CCDC192: variants seen among roughly 807,000 people sequenced by gnomAD.
CCDC192 encodes coiled-coil domain-containing protein 192.
chr5:127,863,503 C>T (rs1022833876), intron 5 of CCDC192, among the ~76,000 whole-genome samples: 1 of 152,120 alleles, frequency 6.6e-6, no homozygotes, highest in African/African-American at 2.4e-5. Context: ...CTAGAAGAGT[C>T]AAATACACAG....
At chr5:127,903,129 A>G (rs1333349000) in intron 6 of CCDC192, among the ~76,000 whole-genome samples, 1 of 152,116 alleles carries the variant, frequency 6.6e-6, no homozygotes, top group Non-Finnish European at 1.5e-5. Context: ...GTAAAGAGGC[A>G]GACACCAGCA....
chr5:127,814,304 G>T (rs1580700759), intron 5 of CCDC192, among the ~76,000 whole-genome samples: 1 of 152,310 alleles, frequency 6.6e-6, no homozygotes, highest in East Asian at 1.9e-4. Flanking sequence ...ACAGCTAAAT[G>T]TTTGCATTAA....
chr5:127,829,684 T>C (rs893788996), intron 5 of CCDC192, among the ~76,000 whole-genome samples: 12 of 152,214 alleles, frequency 7.9e-5, no homozygotes, highest in Admixed American at 1.3e-4. Flanking sequence ...TGGGCTTTTA[T>C]TGGTCTATTT....
chr5:127,884,265 C>T (rs921091161), intron 6 of CCDC192, among the ~76,000 whole-genome samples: 1 of 147,894 alleles, frequency 6.8e-6, no homozygotes, highest in Non-Finnish European at 1.5e-5. Context: ...ATGGCGTGAA[C>T]CCGGGAGGCG....
chr5:127,903,166 A>G (rs925697908), intron 6 of CCDC192, among the ~76,000 whole-genome samples: 5 of 152,200 alleles, frequency 3.3e-5, no homozygotes, highest in Admixed American at 3.3e-4. Context: ...GTACATGGTT[A>G]GTAATCCCAG....
chr5:127,934,645 A>G (rs2011576), intron 6 of CCDC192, among the ~76,000 whole-genome samples: 109,367 of 152,108 alleles, frequency 0.72, 41,622 homozygotes, highest in East Asian at 0.96. Context: ...AAATATTTGT[A>G]CTACAATACA....
At chr5:127,849,666 G>C (rs899342254) in intron 5 of CCDC192, among the ~76,000 whole-genome samples, 1 of 152,210 alleles carries the variant, frequency 6.6e-6, no homozygotes, top group East Asian at 1.9e-4. Flanking sequence ...ACTTGACTTA[G>C]GTTAGAGATT....
chr5:127,907,290 G>C (rs539908404), intron 6 of CCDC192, among the ~76,000 whole-genome samples: 3 of 151,844 alleles, frequency 2.0e-5, no homozygotes, highest in African/African-American at 7.2e-5. Flanking sequence ...ATTTATATAG[G>C]GGTATTTTTT....
At chr5:127,761,636 A>T (rs1754934936) in intron 3 of CCDC192, among the ~76,000 whole-genome samples, 1 of 152,192 alleles carries the variant, frequency 6.6e-6, no homozygotes, top group Non-Finnish European at 1.5e-5. Context: ...TCTAGGTTAG[A>T]TCAAGGTTCT....
chr5:127,747,542 T>C (rs1013092854), intron 2 of CCDC192, among the ~76,000 whole-genome samples: 3 of 152,066 alleles, frequency 2.0e-5, no homozygotes, highest in Non-Finnish European at 4.4e-5. Context: ...GTCTTTGCTA[T>C]TGTGAATAAT....
At chr5:127,762,328 A>G (rs1754976553) in intron 3 of CCDC192, among the ~76,000 whole-genome samples, 1 of 152,250 alleles carries the variant, frequency 6.6e-6, no homozygotes, top group Non-Finnish European at 1.5e-5. Flanking sequence ...GAACTTCATT[A>G]AACAATTTGG....
At chr5:127,754,179 T>A in intron 2 of CCDC192, 89 bp from the exon 3 acceptor site, 1 of 394,894 alleles carries the variant, frequency 2.5e-6, no homozygotes, top group East Asian at 3.6e-5. Context: ...GATAAACTCT[T>A]ATGGATCTTA....
intron 5 of CCDC192, among the ~76,000 whole-genome samples, chr5:127,874,604 A>G (rs1751991799): frequency 6.6e-6 from 1 of 152,194 alleles, no homozygotes; most frequent in Non-Finnish European, 1.5e-5. Context: ...TTACCTAGTG[A>G]GCAAAAACCA....
intron 2 of CCDC192, among the ~76,000 whole-genome samples, chr5:127,726,011 G>A (rs1752301902): frequency 6.6e-6 from 1 of 151,026 alleles, no homozygotes; most frequent in African/African-American, 2.4e-5. Context: ...GAAAATAATT[G>A]ATGAATAAGA....
chr5:127,804,954 T>G (rs1418104274), intron 5 of CCDC192, among the ~76,000 whole-genome samples: 1 of 152,166 alleles, frequency 6.6e-6, no homozygotes, highest in Non-Finnish European at 1.5e-5. Context: ...CTCATGCTCC[T>G]TGTGCTGGGA....
At chr5:127,754,664 G>GT (rs1754474415) in intron 3 of CCDC192, among the ~76,000 whole-genome samples, 1 of 152,062 alleles carries the variant, frequency 6.6e-6, no homozygotes, top group Admixed American at 6.5e-5. Flanking sequence ...CAGGCCATGA[G>GT]TTAGGCAAAC....
chr5:127,777,004 G>A (rs899253245), intron 3 of CCDC192, among the ~76,000 whole-genome samples: 36 of 152,206 alleles, frequency 2.4e-4, no homozygotes, highest in Non-Finnish European at 4.7e-4. Flanking sequence ...TGTGGGGTGG[G>A]AGCCCCCACA....
At chr5:127,738,970 G>A (rs940740464) in intron 2 of CCDC192, among the ~76,000 whole-genome samples, 1 of 151,890 alleles carries the variant, frequency 6.6e-6, no homozygotes, top group African/African-American at 2.4e-5. Context: ...CGTTGCTGGT[G>A]AGGAACTGTG....
At chr5:127,727,529 G>A (rs546278044) in intron 2 of CCDC192, among the ~76,000 whole-genome samples, 9 of 151,634 alleles carry the variant, frequency 5.9e-5, no homozygotes, top group South Asian at 2.1e-4. Context: ...AAACAACAGC[G>A]TCAACAAAAA....
Sources: gnomAD v4.1 joint callset for allele counts (sites outside exome capture counted in the v4.1 genomes callset) on GRCh38, gnomAD v4.1.1 for gene constraint, MANE v1.5 for transcripts, NCBI Gene and HGNC (gene_info 2026-07-23, HGNC 2026-07-21) for gene names.